Variants in UBE3B observed in about 807,000 individuals in gnomAD.
UBE3B encodes ubiquitin-protein ligase E3B.
UBE3B carries 80 observed loss-of-function variants against 132.3 expected under a neutral mutation model. That is an observed-to-expected ratio of 0.60 (90% CI 0.50 to 0.73). The LOEUF is 0.73. Among genes scored for constraint, UBE3B ranks in the 30% least tolerant of loss-of-function variants. The pLI, the probability that UBE3B is intolerant of heterozygous loss-of-function variation, is 0.00. For synonymous variants in UBE3B, 487 were observed against 520.4 expected (o/e 0.94, Z 0.87); for missense variants, 1,196 against 1,362.5 (o/e 0.88, Z 1.92).
rs1439048841 is a variant in UBE3B at position 109,498,320 on chromosome 12, A to T, written c.907A>T (p.Ser303Cys). 2.5e-6 allele frequency: 4 copies of T among 1,614,144 alleles called. No homozygotes were observed. The highest frequency in any genetic ancestry group is 3.4e-6 in the Non-Finnish European group (4 of 1,179,996). ...AGATCGATGCCGTGATGTATGTGAA[A>T]GTTTAGAAGGATGCCATACGCTTTG... ...DQDRCRDVCE[S>C]LEGCHTLCLM... is the part of the protein sequence containing the mutation. Residue 303 changes from serine (S) to cysteine (C), a missense_variant, in exon 11 of 28, where the codon AGT becomes TGT. Coordinates refer to ENST00000342494, the MANE Select transcript of UBE3B (RefSeq NM_130466.4).
rs1881719651 is a variant in UBE3B, at chr12:109,521,576, A to G, written c.2364+25A>G. ...GGTAGGAACGTTAAGAAACAGAGAA[A>G]TGTAAAATAAAATGTTAACGGTACC... On this transcript the variant is annotated intron_variant, in intron 21 of 27. Transcript: ENST00000342494. The surrounding 1 kb of genome is among the most constrained non-coding windows in gnomAD (Gnocchi z 4.2). 6.6e-7 allele frequency: 1 copy of G among 1,523,698 alleles called. No individual in the cohort carries two copies. Among genetic ancestry groups the G allele is most frequent in the East Asian group, 2.3e-5 (1 of 43,846 alleles). 94.4% of individuals were successfully genotyped at this position (1,523,698 alleles called of 1,614,324 possible). A position where few individuals can be genotyped will look rare whatever the true frequency, so the allele number is the denominator to read the frequency against.
Position 109,503,096 on chromosome 12 carries a change from C to T in UBE3B, c.1356C>T (p.Val452=), listed in dbSNP as rs546561926. The T allele has an allele frequency of 3.1e-6, 5 of 1,614,190 alleles. No homozygotes were observed. In the African/African-American group the frequency reaches 4.0e-5, roughly 13 times the overall value. The stretch of plus-strand genomic sequence containing the variant: ...TCAGGCCTGTCGGGGGTAAACGGGT[C>T]GACTCTGCAGAAGTCCAGAAGGTTT... ...NILRPVGGKR[V]DSAEVQKVCN... Residue 452 remains valine (V), a synonymous_variant, in exon 14 of 28, where the codon GTC becomes GTT. Coordinates refer to ENST00000342494, the MANE Select transcript of UBE3B (RefSeq NM_130466.4).
chr12:109,532,541 A>C (rs550211406), intron 26 of UBE3B, among the ~76,000 whole-genome samples: 1 of 152,308 alleles, frequency 6.6e-6, no homozygotes, highest in South Asian at 2.1e-4. Flanking sequence ...TGTATCCCCT[A>C]GAGAAGGGAG....
At chr12:109,486,656 A>G (rs1206532635) in intron 6 of UBE3B, 81 bp downstream of exon 6, 4 of 1,138,520 alleles carry the variant, frequency 3.5e-6, no homozygotes, top group Non-Finnish European at 4.9e-6. Context: ...TTTAGTCTGT[A>G]TTTTCAGAGT....
intron 15 of UBE3B, 112 bp downstream of exon 15, chr12:109,507,847 T>C: frequency 1.6e-6 from 2 of 1,270,940 alleles, no homozygotes; most frequent in Middle Eastern, 2.9e-4. Flanking sequence ...TTTGGACCTG[T>C]GTGGCAGGGC....
At chr12:109,483,009 G>C (rs1044333688) in intron 2 of UBE3B, among the ~76,000 whole-genome samples, 1 of 152,182 alleles carries the variant, frequency 6.6e-6, no homozygotes, top group African/African-American at 2.4e-5. Flanking sequence ...AGTATGCACT[G>C]GTAAATATTT....
chr12:109,483,774 A>G (rs1875892229), intron 3 of UBE3B, 62 bp downstream of exon 3: 1 of 1,579,308 alleles, frequency 6.3e-7, no homozygotes, highest in Admixed American at 1.8e-5. Context: ...CAGATAAATG[A>G]GTTTTTTCTC....
rs762930425 is a variant in UBE3B at position 109,489,909 on chromosome 12, CT to C, written c.545-7del. The C allele has an allele frequency of 1.9e-6, 3 of 1,613,626 alleles. No homozygotes were observed. In the African/African-American group the frequency reaches 4.0e-5, roughly 22 times the overall value. ...GAGACTTTTTTGTTCTCACTGTTTT[CT>C]TTCTTTAGGTGAAAGTCTTCGACCA... is the stretch of plus-strand genomic sequence containing the variant. On this transcript the variant is annotated splice_polypyrimidine_tract_variant and intron_variant, in intron 7 of 27. Coordinates refer to ENST00000342494, the MANE Select transcript of UBE3B (RefSeq NM_130466.4).
intron 11 of UBE3B, 142 bp downstream of exon 11, chr12:109,498,495 C>A: frequency 1.0e-6 from 1 of 960,020 alleles, no homozygotes; most frequent in Non-Finnish European, 1.5e-6. Context: ...TTTAGATAGA[C>A]AGTTAAAATA....
chr12:109,526,921 T>C (rs1051762186), intron 24 of UBE3B, among the ~76,000 whole-genome samples: 1 of 152,148 alleles, frequency 6.6e-6, no homozygotes, highest in African/African-American at 2.4e-5. Flanking sequence ...ATTTATTTTT[T>C]GCAGTAGCAC....
At chr12:109,524,164 A>C in intron 22 of UBE3B, 49 bp downstream of exon 22, 1 of 1,608,744 alleles carries the variant, frequency 6.2e-7, no homozygotes. Context: ...GTGTGAACTC[A>C]CAGCTTGCGA....
chr12:109,521,526 A>C lies in UBE3B; in HGVS notation c.2339A>C (p.Lys780Thr), dbSNP rs1401822671. ...NYLQLFEFVG[K>T]MLGKAVYEGI... ...CTGCAGCTCTTCGAGTTTGTGGGGA[A>C]GATGCTGGGGAAGGCTGTGTATGAG... is the stretch of plus-strand genomic sequence containing the variant. Residue 780 changes from lysine to threonine, a missense_variant, in exon 21 of 28, where the codon AAG (lysine) becomes ACG (threonine). Coordinates refer to ENST00000342494, the MANE Select transcript of UBE3B (RefSeq NM_130466.4). The surrounding 1 kb of genome is among the most constrained non-coding windows in gnomAD (Gnocchi z 4.2). 53 of 1,601,118 alleles carry C rather than the reference A, an allele frequency of 3.3e-5. No homozygotes were observed. Among genetic ancestry groups the C allele is most frequent in the Non-Finnish European group, 4.4e-5 (52 of 1,171,904 alleles).
At chr12:109,499,493 C>T (rs1229421742) in intron 11 of UBE3B, 140 bp from the exon 12 acceptor site, 8 of 799,626 alleles carry the variant, frequency 1.0e-5, no homozygotes, top group African/African-American at 3.7e-5. Flanking sequence ...CAGCAGCCTC[C>T]GGCATTGACA....
chr12:109,506,422 C>T (rs1879687859), intron 14 of UBE3B, among the ~76,000 whole-genome samples: 2 of 152,198 alleles, frequency 1.3e-5, no homozygotes, highest in Non-Finnish European at 1.5e-5. Context: ...GATCTCGGCT[C>T]ACTGCAACCT....
At chr12:109,484,314 G>A (rs1876002543) in intron 4 of UBE3B, among the ~76,000 whole-genome samples, 1 of 152,210 alleles carries the variant, frequency 6.6e-6, no homozygotes, top group African/African-American at 2.4e-5. Context: ...CAGTGGTAAG[G>A]ACATCAAAAG....
At chr12:109,528,979 G>A (rs1463455273) in intron 24 of UBE3B, among the ~76,000 whole-genome samples, 1 of 152,104 alleles carries the variant, frequency 6.6e-6, no homozygotes, top group African/African-American at 2.4e-5. Flanking sequence ...GTCCAACATG[G>A]TGAACCCCAT....
chr12:109,539,757 C>T (rs1000600384), downstream of UBE3B, among the ~76,000 whole-genome samples: 5 of 152,100 alleles, frequency 3.3e-5, no homozygotes, highest in Non-Finnish European at 5.9e-5. Context: ...CAGGACATCC[C>T]GGGGATCCTC....
chr12:109,499,407 C>T (rs560046487), intron 11 of UBE3B, among the ~76,000 whole-genome samples: 10 of 152,326 alleles, frequency 6.6e-5, no homozygotes, highest in African/African-American at 1.7e-4. Context: ...CATGGGTTGA[C>T]GGCCACGGCT....
chr12:109,488,740 TG>T, intron 7 of UBE3B, 72 bp downstream of exon 7: 1 of 1,458,612 alleles, frequency 6.9e-7, no homozygotes, highest in Non-Finnish European at 9.6e-7. Flanking sequence ...TTTTTTCCTT[TG>T]TAAGAAGCAT....
Sources: gnomAD v4.1 joint callset for allele counts (sites outside exome capture counted in the v4.1 genomes callset) on GRCh38, gnomAD v4.1.1 for gene constraint, Gnocchi (gnomAD v3.1) non-coding constraint, MANE v1.5 for transcripts, NCBI Gene and HGNC (gene_info 2026-07-23, HGNC 2026-07-21) for gene names.